Variants in CYTH1 observed in about 807,000 individuals in gnomAD.
The protein encoded by CYTH1 is cytohesin 1, also known as cytohesin-1.
A neutral mutation model predicts 61.8 loss-of-function variants in CYTH1; 18 were observed. That is an observed-to-expected ratio of 0.29 (90% CI 0.20 to 0.43). The LOEUF (loss-of-function observed/expected upper bound fraction) is 0.43, where lower values mean the gene tolerates loss of function less well. Ranked by LOEUF, CYTH1 falls within the 20% of genes least tolerant of loss-of-function variation. CYTH1 has a pLI of 1.00. For synonymous variants in CYTH1, 174 were observed against 184.3 expected (o/e 0.94, Z 0.45); for missense variants, 336 against 510.5 (o/e 0.66, Z 3.29).
chr17:78,718,900 T>C (rs11652196), intron 1 of CYTH1, among the ~76,000 whole-genome samples: 4,332 of 152,342 alleles, frequency 0.028, 93 homozygotes, highest in Non-Finnish European at 0.044. Flanking sequence ...TGCTTCTTTC[T>C]AACAATGTCA....
intron 1 of CYTH1, among the ~76,000 whole-genome samples, chr17:78,779,063 CTT>C: frequency 6.6e-6 from 1 of 152,160 alleles, no homozygotes; most frequent in Non-Finnish European, 1.5e-5. Context: ...AATCTTCAAT[CTT>C]TTTAGTTCCT....
intron 7 of CYTH1, among the ~76,000 whole-genome samples, chr17:78,699,312 C>T (rs1168406456): frequency 2.0e-5 from 3 of 151,102 alleles, no homozygotes; most frequent in Non-Finnish European, 4.4e-5. Flanking sequence ...TGCAGTGAGC[C>T]GAGATAGCGC....
intron 1 of CYTH1, among the ~76,000 whole-genome samples, chr17:78,729,306 A>C (rs2093281590): frequency 6.6e-6 from 1 of 152,204 alleles, no homozygotes; most frequent in South Asian, 2.1e-4. Flanking sequence ...AAAGCAGCAT[A>C]AAAATTAGTA....
intron 13 of CYTH1, chr17:78,677,162 G>A (rs2092709215): frequency 4.6e-6 from 2 of 437,892 alleles, no homozygotes; most frequent in Admixed American, 2.5e-5. Context: ...ACTGGGAAGC[G>A]GTCTGACCAC....
intron 1 of CYTH1, among the ~76,000 whole-genome samples, chr17:78,754,138 G>A (rs2093391544): frequency 6.6e-6 from 1 of 152,144 alleles, no homozygotes; most frequent in Non-Finnish European, 1.5e-5. Context: ...CGGCTACTGA[G>A]AAGCAGCGCA....
intron 10 of CYTH1, among the ~76,000 whole-genome samples, chr17:78,692,814 A>G (rs2092902118): frequency 6.6e-6 from 1 of 152,140 alleles, no homozygotes; most frequent in South Asian, 2.1e-4. Context: ...TGCCAGAGTC[A>G]GCAAAAAGCC....
At chr17:78,725,712 C>T (rs1449860145) in intron 1 of CYTH1, among the ~76,000 whole-genome samples, 1 of 152,196 alleles carries the variant, frequency 6.6e-6, no homozygotes, top group Non-Finnish European at 1.5e-5. Flanking sequence ...GTGTGTGAAC[C>T]TAGGCAAAGG....
At chr17:78,781,711 G>T (rs928779115) in intron 1 of CYTH1, among the ~76,000 whole-genome samples, 3 of 152,068 alleles carry the variant, frequency 2.0e-5, no homozygotes, top group African/African-American at 7.2e-5. Context: ...CGGGGAACGC[G>T]GGCCCGGCCA....
At position 78,700,461 on chromosome 17, in the gene CYTH1, G is replaced by T. The variant is rs1342874969; in HGVS notation, c.438-18C>A. ...GGAACTGCCTGAGTGGGTAAAGACA[G>T]AGTGTTCCAGAACTTGGGGAGGCAA... On this transcript the variant is annotated intron_variant, in intron 6 of 13. Transcript: ENST00000446868. The surrounding 1 kb of genome is among the most constrained non-coding windows in gnomAD (Gnocchi z 5.1). 41 of 1,588,710 alleles carry T rather than the reference G, an allele frequency of 2.6e-5. No individual in the cohort carries two copies. The highest frequency in any genetic ancestry group is 3.5e-5 in the Non-Finnish European group (41 of 1,167,252).
chr17:78,688,566 A>G (rs2092841580), intron 11 of CYTH1, among the ~76,000 whole-genome samples: 1 of 152,244 alleles, frequency 6.6e-6, no homozygotes. Context: ...CCTTAGCAGC[A>G]GGCAGGATCA....
chr17:78,712,070 C>CAAGAAAGA (rs1386319916), intron 1 of CYTH1, among the ~76,000 whole-genome samples: 2 of 124,320 alleles, frequency 1.6e-5, no homozygotes, highest in Non-Finnish European at 3.2e-5. Flanking sequence ...CAGAGCCAGA[C>CAAGAAAGA]AAGAAAGAAA....
chr17:78,720,792 G>A (rs905238758), intron 1 of CYTH1, among the ~76,000 whole-genome samples: 2 of 152,104 alleles, frequency 1.3e-5, no homozygotes, highest in Non-Finnish European at 2.9e-5. Flanking sequence ...CGAGGACCGC[G>A]TAAGCCCTGG....
At chr17:78,676,257 G>C (rs995822874) in intron 13 of CYTH1, 88 bp from the exon 14 acceptor site, 96 of 1,348,412 alleles carry the variant, frequency 7.1e-5, no homozygotes, top group Non-Finnish European at 9.6e-5. Context: ...GGGGCCCCTC[G>C]TGCCCCAGAA....
At chr17:78,737,761 G>GA (rs558018447) in intron 1 of CYTH1, among the ~76,000 whole-genome samples, 31 of 151,182 alleles carry the variant, frequency 2.1e-4, no homozygotes, top group Non-Finnish European at 4.1e-4. Context: ...TAGTAACAAG[G>GA]AAAAAAAACA....
At chr17:78,769,145 CAA>C (rs11291374) in intron 1 of CYTH1, among the ~76,000 whole-genome samples, 96 of 141,674 alleles carry the variant, frequency 6.8e-4, no homozygotes, top group African/African-American at 1.7e-3. Context: ...GACTATGTCT[CAA>C]AAAAAAAAAA....
chr17:78,700,290 T>TA lies in CYTH1; in HGVS notation c.550+40dup. 6.6e-7 allele frequency: 1 copy of TA among 1,525,382 alleles called. No homozygotes were observed. Among genetic ancestry groups the TA allele is most frequent in the South Asian group, 1.2e-5 (1 of 81,726 alleles). 94.5% of individuals were successfully genotyped at this position (1,525,382 alleles called of 1,614,324 possible). A position where few individuals can be genotyped will look rare whatever the true frequency, so the allele number is the denominator to read the frequency against. On this transcript the variant is annotated intron_variant, in intron 7 of 13. Transcript: ENST00000446868. This position sits in a 1 kb window ranked among gnomAD's most constrained non-coding sequence, Gnocchi z 5.1. Reference sequence around the variant, plus strand: ...CTGGTGCCAAGAAAATAATCCAGTGTAAAACGCCCATCATAAACTAGGATG... The same window carrying TA: ...CTGGTGCCAAGAAAATAATCCAGTGTAAAAACGCCCATCATAAACTAGGATG...
rs1431290661 is a variant in CYTH1, at chr17:78,760,376, TATATATATACAC to T, written c.22+21814_22+21825del. On this transcript the variant is annotated intron_variant, in intron 1 of 13. Transcript: ENST00000446868. ...AGGTTTATATATATATATATATATATATATATATACACACACATACATATATATATGTGTATA... is the reference window on the plus strand; with the variant it reads ...AGGTTTATATATATATATATATATATACACATACATATATATATGTGTATA... 2.5e-3 allele frequency among the ~76,000 whole-genome samples: 155 copies of T among 62,494 alleles called. 10 individuals carry two copies. The highest frequency in any genetic ancestry group is 4.4e-3 in the East Asian group (8 of 1,828). 41.0% of individuals were successfully genotyped at this position (62,494 alleles called of 152,430 possible).
At chr17:78,734,691 G>A (rs148267515) in intron 1 of CYTH1, among the ~76,000 whole-genome samples, 104 of 152,092 alleles carry the variant, frequency 6.8e-4, no homozygotes, top group African/African-American at 2.2e-3. Context: ...CCGCCTGCCT[G>A]GGCCTCCCAA....
chr17:78,698,189 G>A (rs1454279166), intron 9 of CYTH1, 80 bp downstream of exon 9: 55 of 1,126,678 alleles, frequency 4.9e-5, no homozygotes, highest in Admixed American at 7.7e-5. Flanking sequence ...GCGCACACAC[G>A]CACGCACGCA....
Sources: allele counts gnomAD v4.1 joint callset (sites outside exome capture counted in the v4.1 genomes callset), GRCh38; gene constraint gnomAD v4.1.1; non-coding constraint Gnocchi (gnomAD v3.1); transcripts MANE v1.5; gene names NCBI Gene and HGNC (gene_info 2026-07-23, HGNC 2026-07-21).